Variants in EP300 observed in about 807,000 individuals in gnomAD.
EP300 encodes EP300 lysine acetyltransferase.
In EP300, 31 loss-of-function variants were observed where a neutral mutation model predicts 264.0. That is an observed-to-expected ratio of 0.12 (90% CI 0.09 to 0.16). The LOEUF (loss-of-function observed/expected upper bound fraction) is 0.16. Among genes scored for constraint, EP300 ranks in the 10% least tolerant of loss-of-function variants. The pLI is 1.00. For synonymous variants in EP300, 1,340 were observed against 1,045.4 expected (o/e 1.28, Z -5.44); for missense variants, 2,766 against 3,052.9 (o/e 0.91, Z 2.21).
chr22:41,101,154 A>G (rs2058729700), intron 1 of EP300, among the ~76,000 whole-genome samples: 1 of 152,086 alleles, frequency 6.6e-6, no homozygotes, highest in South Asian at 2.1e-4. Flanking sequence ...GGCTCACTGT[A>G]GCCTCCATCT....
At chr22:41,153,501 A>T (rs1391867517) in intron 16 of EP300, among the ~76,000 whole-genome samples, 1 of 152,132 alleles carries the variant, frequency 6.6e-6, no homozygotes, top group African/African-American at 2.4e-5. Flanking sequence ...CTGTAATCCC[A>T]CCGCTTTGGG....
At chr22:41,095,981 CTT>C (rs1391482408) in intron 1 of EP300, among the ~76,000 whole-genome samples, 4 of 152,138 alleles carry the variant, frequency 2.6e-5, no homozygotes, top group Admixed American at 2.0e-4. Flanking sequence ...ATTCAAATAA[CTT>C]AGGTTAAACT....
chr22:41,177,974 G>A lies in EP300; in HGVS notation c.6263G>A (p.Arg2088Gln), dbSNP rs2145519975. The A allele has an allele frequency of 3.7e-6, 6 of 1,614,124 alleles. No homozygotes were observed. Among genetic ancestry groups the A allele is most frequent in the Non-Finnish European group, 5.1e-6 (6 of 1,180,014 alleles). ...CTGTTGGCTGCATTCATCAAGCAGC[G>A]GGCTGCCAAGTATGCCAACTCTAAT... ...PQLLAAFIKQ[R>Q]AAKYANSNPQ... Residue 2088 changes from arginine (R) to glutamine (Q), a missense_variant, in exon 31 of 31, where the codon CGG becomes CAG. Arg to Gln is a conservative substitution (Grantham distance 43). Coordinates refer to ENST00000263253, the MANE Select transcript of EP300 (RefSeq NM_001429.4).
chr22:41,120,932 A>G (rs1390914008), intron 2 of EP300, among the ~76,000 whole-genome samples: 1 of 152,148 alleles, frequency 6.6e-6, no homozygotes, highest in Non-Finnish European at 1.5e-5. Context: ...CTTGGCATCA[A>G]GCAATCCACC....
chr22:41,130,484 G>A lies in EP300; in HGVS notation c.1282+481G>A, dbSNP rs148082369. The stretch of plus-strand genomic sequence containing the variant: ...GTGGAGGCTGTAGTGAGCTATGATT[G>A]TGGCACAGCAGTCCAGCCTGGGTGA... On this transcript the variant is annotated intron_variant, in intron 5 of 30. Coordinates refer to ENST00000263253, the MANE Select transcript of EP300 (RefSeq NM_001429.4). 5.8e-4 allele frequency among the ~76,000 whole-genome samples: 88 copies of A among 152,092 alleles called. 3 individuals are homozygous for A. The East Asian group carries it at 0.016, about 27-fold the overall frequency.
chr22:41,138,836 CTTAA>C (rs1569102122), intron 8 of EP300, among the ~76,000 whole-genome samples: 1 of 152,048 alleles, frequency 6.6e-6, no homozygotes, highest in Admixed American at 6.6e-5. Context: ...ATCATTTTGT[CTTAA>C]TTTATTTTTA....
Position 41,178,841 on chromosome 22 carries a change from C to T in EP300, c.7130C>T (p.Ala2377Val), listed in dbSNP as rs2145524198. ...PDQNSMLSQLASNPGMANLHG... is the reference protein window; with the variant it reads ...PDQNSMLSQLVSNPGMANLHG... Reference sequence around the variant, plus strand: ...CAGAATTCAATGCTTTCTCAGCTTGCTAGCAATCCAGGCATGGCAAACCTC... The same window carrying T: ...CAGAATTCAATGCTTTCTCAGCTTGTTAGCAATCCAGGCATGGCAAACCTC... Residue 2377 changes from alanine (A) to valine (V), a missense_variant, in exon 31 of 31, where the codon GCT becomes GTT. By Grantham distance (64) the Ala-to-Val change is moderately conservative. Transcript: ENST00000263253. The T allele has an allele frequency of 1.2e-6, 2 of 1,614,204 alleles. No individual in the cohort carries two copies. Among genetic ancestry groups the T allele is most frequent in the Non-Finnish European group, 1.7e-6 (2 of 1,180,034 alleles).
At chr22:41,146,552 A>AC (rs1472607969) in intron 10 of EP300, 187 bp from the exon 11 acceptor site, 2 of 616,422 alleles carry the variant, frequency 3.2e-6, no homozygotes, top group African/African-American at 3.7e-5. Flanking sequence ...ACTTGGAGGC[A>AC]TTTTTCTGTA....
chr22:41,096,433 A>C (rs550711964), intron 1 of EP300, among the ~76,000 whole-genome samples: 2 of 152,058 alleles, frequency 1.3e-5, no homozygotes, highest in Non-Finnish European at 2.9e-5. Context: ...AGTAGGGTAA[A>C]GATCCTTCTG....
At chr22:41,130,254 TAAAA>T (rs11388493) in intron 5 of EP300, among the ~76,000 whole-genome samples, 14 of 134,862 alleles carry the variant, frequency 1.0e-4, no homozygotes, top group Non-Finnish European at 1.9e-4. Context: ...CTGCCTCAAT[TAAAA>T]AAAAAAAAAA....
At chr22:41,147,105 A>T (rs780818457) in intron 11 of EP300, among the ~76,000 whole-genome samples, 4 of 151,844 alleles carry the variant, frequency 2.6e-5, no homozygotes, top group Non-Finnish European at 5.9e-5. Context: ...AAAGTACGAG[A>T]CCAGCCTGGC....
rs1050106447 is a variant in EP300 at position 41,127,425 on chromosome 22, CTATT to C, written c.907-57_907-54del. The C allele has an allele frequency of 5.0e-6, 8 of 1,598,296 alleles. 1 individual carries two copies. The highest frequency in any genetic ancestry group is 2.2e-5 in the East Asian group (1 of 44,810). On this transcript the variant is annotated intron_variant, in intron 3 of 30. Transcript: ENST00000263253. Reference sequence around the variant, plus strand: ...GTTTTCATTGAAAATATCCACATCTCTATTTATTAAGAAATAGCACATTATGACT... The same window carrying C: ...GTTTTCATTGAAAATATCCACATCTCTATTAAGAAATAGCACATTATGACT...
At position 41,093,111 on chromosome 22, in the gene EP300, A is replaced by G. The variant is rs201124490; in HGVS notation, c.94+13A>G. 9.5e-4 allele frequency: 1,534 copies of G among 1,613,544 alleles called. 1 individual carries two copies. The highest frequency in any genetic ancestry group is 1.2e-3 in the Non-Finnish European group (1,366 of 1,179,662). On this transcript the variant is annotated intron_variant, in intron 1 of 30. Transcript: ENST00000263253. ...AGCGATGGCACAGGTTAGTTTCGGC[A>G]GCCCCGGCCTTCCACGTTCCCTTTA...
chr22:41,128,614 T>G (rs919660605), intron 4 of EP300, among the ~76,000 whole-genome samples: 1 of 152,034 alleles, frequency 6.6e-6, no homozygotes, highest in Non-Finnish European at 1.5e-5. Flanking sequence ...TTCATGCCAT[T>G]CTCCCGCCTC....
chr22:41,107,323 TAATG>T (rs1464838205), intron 1 of EP300, among the ~76,000 whole-genome samples: 7 of 152,154 alleles, frequency 4.6e-5, no homozygotes, highest in African/African-American at 9.7e-5. Flanking sequence ...GTGTTTTACT[TAATG>T]AACACAGTTT....
At position 41,178,994 on chromosome 22, in the gene EP300, T is replaced by C. The variant is rs1404633902; in HGVS notation, c.*38T>C. 6.2e-7 allele frequency: 1 copy of C among 1,609,772 alleles called. No homozygotes were observed. The highest frequency in any genetic ancestry group is 8.5e-7 in the Non-Finnish European group (1 of 1,178,898). ...GTATTTTGGGAGCAAAAAAATTATT[T>C]TCTCTTAACAAGACTTTTTGTACTG... On this transcript the variant is annotated 3_prime_UTR_variant, in exon 31 of 31. Coordinates refer to ENST00000263253, the MANE Select transcript of EP300 (RefSeq NM_001429.4).
rs201899396 is a variant in EP300 at position 41,131,379 on chromosome 22, C to T, written c.1283-9C>T. 8 of 1,613,164 alleles carry T rather than the reference C, an allele frequency of 5.0e-6. No homozygotes were observed. The highest frequency in any genetic ancestry group is 6.8e-6 in the Non-Finnish European group (8 of 1,179,916). On this transcript the variant is annotated splice_polypyrimidine_tract_variant and intron_variant, in intron 5 of 30. Transcript: ENST00000263253. The stretch of plus-strand genomic sequence containing the variant: ...TAATTTGTAATACTATATCTTTTGT[C>T]TTCTCTAGCAATTTTGACTGGAGCA...
At chr22:41,120,814 G>C (rs2145701314) in intron 2 of EP300, among the ~76,000 whole-genome samples, 1 of 152,276 alleles carries the variant, frequency 6.6e-6, no homozygotes, top group Admixed American at 6.5e-5. Context: ...GATCTCCCAG[G>C]CTTACGCGAT....
intron 2 of EP300, among the ~76,000 whole-genome samples, chr22:41,121,671 G>T (rs1489570680): frequency 6.6e-6 from 1 of 152,164 alleles, no homozygotes; most frequent in African/African-American, 2.4e-5. Flanking sequence ...GGAATTGGTT[G>T]AAATTCAGTT....
Sources: gnomAD v4.1 joint callset for allele counts (sites outside exome capture counted in the v4.1 genomes callset) on GRCh38, gnomAD v4.1.1 for gene constraint, MANE v1.5 for transcripts, NCBI Gene and HGNC (gene_info 2026-07-23, HGNC 2026-07-21) for gene names.